The following COMMD1 variants were observed in gnomAD, a reference collection of about 807,000 sequenced individuals.
COMMD1 encodes COMM domain-containing protein 1.
In COMMD1, 10 loss-of-function variants were observed where a neutral mutation model predicts 17.2. That is an observed-to-expected ratio of 0.58 (90% CI 0.36 to 0.99). The LOEUF (loss-of-function observed/expected upper bound fraction) is 0.99, where lower values mean the gene tolerates loss of function less well. COMMD1 is among the 50% of genes least tolerant of loss of function. The pLI is 0.01. For missense variants in COMMD1, 270 were observed against 231.8 expected (o/e 1.17, Z -1.07); for synonymous variants, 97 against 91.6 (o/e 1.06, Z -0.34).
At chr2:62,109,199 A>G (rs954446566) in intron 2 of COMMD1, among the ~76,000 whole-genome samples, 1 of 152,226 alleles carries the variant, frequency 6.6e-6, no homozygotes, top group African/African-American at 2.4e-5. Context: ...TTAGCATACC[A>G]AGAAATGAAA....
intron 2 of COMMD1, chr2:62,118,377 G>A (rs1314916844): frequency 2.0e-5 from 3 of 152,222 alleles, no homozygotes; most frequent in Non-Finnish European, 4.4e-5. Context: ...AGCAACCCAA[G>A]TGATGTCAGA....
chr2:61,935,582 A>C (rs1670586537), intron 1 of COMMD1, among the ~76,000 whole-genome samples: 1 of 151,332 alleles, frequency 6.6e-6, no homozygotes, highest in Admixed American at 6.6e-5. Context: ...GAGCCGACCG[A>C]GATCACACTG....
At position 61,944,989 on chromosome 2, in the gene COMMD1, T is replaced by C. The variant is rs979280571; in HGVS notation, c.180+39131T>C. The stretch of plus-strand genomic sequence containing the variant: ...AGGAATTTTAGCCAATTCGGAGGCC[T>C]TGTTCCCCATAATTGGAATTCTCAT... On this transcript the variant is annotated intron_variant, in intron 1 of 2. Transcript: ENST00000311832. Among the ~76,000 whole-genome samples the C allele has an allele frequency of 2.6e-5, 4 of 152,326 alleles. No individual in the cohort carries two copies. The East Asian group carries it at 7.7e-4, about 29-fold the overall frequency.
At chr2:61,945,584 A>G (rs1011102917) in intron 1 of COMMD1, among the ~76,000 whole-genome samples, 1 of 152,206 alleles carries the variant, frequency 6.6e-6, no homozygotes, top group Non-Finnish European at 1.5e-5. Flanking sequence ...GTGAATTTAG[A>G]AAGTTTATTT....
intron 2 of COMMD1, among the ~76,000 whole-genome samples, chr2:62,067,181 T>A (rs963467977): frequency 1.3e-5 from 2 of 150,522 alleles, no homozygotes; most frequent in African/African-American, 4.9e-5. Context: ...GCAGAGATGG[T>A]GCCACTGCAT....
chr2:62,079,502 A>G (rs1274496588), intron 2 of COMMD1, among the ~76,000 whole-genome samples: 1 of 152,218 alleles, frequency 6.6e-6, no homozygotes, highest in Admixed American at 6.5e-5. Flanking sequence ...CACCGGAAAC[A>G]TCTAGAGGCT....
chr2:62,130,680 T>C (rs2104100304), intron 2 of COMMD1, among the ~76,000 whole-genome samples: 1 of 152,358 alleles, frequency 6.6e-6, no homozygotes, highest in Non-Finnish European at 1.5e-5. Context: ...GAATTTGTTC[T>C]AAATGGTTCT....
intron 1 of COMMD1, among the ~76,000 whole-genome samples, chr2:61,950,925 G>A (rs761877571): frequency 6.6e-6 from 1 of 152,166 alleles, no homozygotes; most frequent in African/African-American, 2.4e-5. Flanking sequence ...CACTGACCAT[G>A]GGAAACTGAA....
At chr2:62,060,430 T>C (rs1670826354) in intron 2 of COMMD1, among the ~76,000 whole-genome samples, 1 of 152,252 alleles carries the variant, frequency 6.6e-6, no homozygotes, top group South Asian at 2.1e-4. Flanking sequence ...ATGCAGTAGT[T>C]GTCATGGTTT....
chr2:61,953,569 C>A (rs1020613913), intron 1 of COMMD1, among the ~76,000 whole-genome samples: 4 of 151,740 alleles, frequency 2.6e-5, no homozygotes, highest in Admixed American at 2.6e-4. Context: ...AGGGTTTCAC[C>A]ATGTTCCCCA....
chr2:62,078,468 G>A (rs1254300442), intron 2 of COMMD1, among the ~76,000 whole-genome samples: 3 of 149,976 alleles, frequency 2.0e-5, no homozygotes, highest in Admixed American at 1.3e-4. Context: ...CAGGAGAATG[G>A]CGTGAACCCA....
chr2:62,067,125 T>C (rs1234551423), intron 2 of COMMD1, among the ~76,000 whole-genome samples: 1 of 151,776 alleles, frequency 6.6e-6, no homozygotes, highest in Non-Finnish European at 1.5e-5. Context: ...CTAAAGAGGC[T>C]GAGGCAGGAG....
At chr2:62,047,394 C>T (rs1444532900) in intron 2 of COMMD1, among the ~76,000 whole-genome samples, 1 of 152,136 alleles carries the variant, frequency 6.6e-6, no homozygotes, top group Non-Finnish European at 1.5e-5. Flanking sequence ...GGACCACTGA[C>T]AGACTCACCT....
intron 1 of COMMD1, among the ~76,000 whole-genome samples, chr2:61,968,188 T>C (rs548819854): frequency 1.3e-5 from 2 of 152,092 alleles, no homozygotes; most frequent in East Asian, 3.9e-4. Context: ...CAAAAGCCGC[T>C]TGGTGCCAAA....
intron 2 of COMMD1, among the ~76,000 whole-genome samples, chr2:62,042,944 C>G (rs181716881): frequency 4.1e-4 from 63 of 152,284 alleles, no homozygotes; most frequent in African/African-American, 1.5e-3. Flanking sequence ...TTTTTAAGGC[C>G]AAACAATACT....
intron 1 of COMMD1, among the ~76,000 whole-genome samples, chr2:61,899,235 G>T (rs1009117807): frequency 6.6e-6 from 1 of 152,116 alleles, no homozygotes; most frequent in Non-Finnish European, 1.5e-5. Context: ...ACCCCCATAT[G>T]GAAGATGTCC....
chr2:62,043,769 T>C (rs188681883), intron 2 of COMMD1, among the ~76,000 whole-genome samples: 60 of 152,350 alleles, frequency 3.9e-4, no homozygotes, highest in African/African-American at 1.4e-3. Flanking sequence ...ATTTACAAGA[T>C]CAGTGGTAAT....
chr2:62,092,473 G>C (rs1170946693), intron 2 of COMMD1, among the ~76,000 whole-genome samples: 2 of 152,134 alleles, frequency 1.3e-5, no homozygotes, highest in African/African-American at 4.8e-5. Context: ...TCAGGAAAGT[G>C]GTCAAGTGCT....
intron 2 of COMMD1, among the ~76,000 whole-genome samples, chr2:62,044,837 TAAAAAAA>T (rs542859899): frequency 1.7e-5 from 2 of 117,056 alleles, no homozygotes; most frequent in South Asian, 5.7e-4. Flanking sequence ...GCTCCTAACT[TAAAAAAA>T]AAAAAAAAAA....
Sources: allele counts gnomAD v4.1 joint callset (sites outside exome capture counted in the v4.1 genomes callset), GRCh38; gene constraint gnomAD v4.1.1; transcripts MANE v1.5; gene names NCBI Gene and HGNC (gene_info 2026-07-23, HGNC 2026-07-21).